CADM2: variants seen among roughly 807,000 people sequenced by gnomAD.
The protein encoded by CADM2 is cell adhesion molecule 2.
In CADM2, 12 loss-of-function variants were observed where a neutral mutation model predicts 49.8. The ratio of observed to expected loss-of-function variants is 0.24; its 90% CI spans 0.15 to 0.39. The LOEUF (loss-of-function observed/expected upper bound fraction) is 0.39, where lower values mean the gene tolerates loss of function less well. CADM2 is among the 10% of genes least tolerant of loss of function. The pLI is 1.00. For synonymous variants in CADM2, 214 were observed against 175.4 expected, an observed-to-expected ratio of 1.22 and a Z score of -1.74; for missense variants, 378 against 492.3, an observed-to-expected ratio of 0.77 and a Z score of 2.20.
intron 2 of CADM2, among the ~76,000 whole-genome samples, chr3:85,796,003 T>C (rs1323786115): frequency 6.6e-6 from 1 of 152,218 alleles, no homozygotes; most frequent in Non-Finnish European, 1.5e-5. Flanking sequence ...TGATATTTTC[T>C]TATGGGAATG....
chr3:85,093,887 C>G (rs376903609), intron 1 of CADM2, among the ~76,000 whole-genome samples: 1 of 151,902 alleles, frequency 6.6e-6, no homozygotes, highest in African/African-American at 2.4e-5. Flanking sequence ...GGGAAGGAGT[C>G]CATTCCTGTG....
At chr3:84,996,269 TTATTAA>T (rs1368352609) in intron 1 of CADM2, among the ~76,000 whole-genome samples, 6 of 152,156 alleles carry the variant, frequency 3.9e-5, no homozygotes, top group Admixed American at 1.3e-4. Flanking sequence ...AAATGGCAAG[TTATTAA>T]TATTAAGTTA....
chr3:85,945,396 G>T (rs1722537887), intron 7 of CADM2, among the ~76,000 whole-genome samples: 1 of 152,020 alleles, frequency 6.6e-6, no homozygotes, highest in South Asian at 2.1e-4. Context: ...CCAATCAATA[G>T]AAAAAGAGGG....
intron 1 of CADM2, among the ~76,000 whole-genome samples, chr3:85,156,128 C>G (rs1317643737): frequency 6.6e-6 from 1 of 151,890 alleles, no homozygotes; most frequent in Non-Finnish European, 1.5e-5. Flanking sequence ...AAAATCAGAG[C>G]AGAACTGAAG....
In CADM2 at chr3:85,468,098, G is replaced by A. The variant is rs570548634; in HGVS notation, c.62-258424G>A. Among the ~76,000 whole-genome samples the A allele has an allele frequency of 7.9e-5, 11 of 139,826 alleles. No homozygotes were observed. The East Asian group carries it at 2.4e-3, about 30-fold the overall frequency. The allele number at this position is 139,826 out of a possible 152,430, so 91.7% of individuals were successfully genotyped here. A position where few individuals can be genotyped will look rare whatever the true frequency, so the allele number is the denominator to read the frequency against. ...GAACCCGGGAGGCGGAGCTTGCAGT[G>A]AGCCGAGATCCCGCCACTGCACTCC... On this transcript the variant is annotated intron_variant, in intron 1 of 9. Coordinates refer to ENST00000383699, the MANE Select transcript of CADM2 (RefSeq NM_001167675.2).
intron 1 of CADM2, among the ~76,000 whole-genome samples, chr3:85,621,468 T>C (rs1198833544): frequency 6.6e-6 from 1 of 152,194 alleles, no homozygotes; most frequent in Non-Finnish European, 1.5e-5. Context: ...CTTTGAAAAT[T>C]TGAATTAAAT....
intron 1 of CADM2, among the ~76,000 whole-genome samples, chr3:85,589,124 C>G (rs2063029718): frequency 6.6e-6 from 1 of 151,932 alleles, no homozygotes; most frequent in Non-Finnish European, 1.5e-5. Flanking sequence ...AGGGAATACT[C>G]TAAAGGAGAG....
intron 1 of CADM2, among the ~76,000 whole-genome samples, chr3:85,669,686 TC>T (rs1306999009): frequency 6.6e-6 from 1 of 152,100 alleles, no homozygotes; most frequent in Non-Finnish European, 1.5e-5. Flanking sequence ...GAGGATAGCA[TC>T]CCTTTCTTTC....
intron 8 of CADM2, among the ~76,000 whole-genome samples, chr3:86,032,671 T>C (rs1734695228): frequency 6.6e-6 from 1 of 151,912 alleles, no homozygotes; most frequent in Non-Finnish European, 1.5e-5. Flanking sequence ...AATGATATTA[T>C]AATCAGTTAT....
At chr3:85,621,493 T>A (rs1218317914) in intron 1 of CADM2, among the ~76,000 whole-genome samples, 2 of 152,168 alleles carry the variant, frequency 1.3e-5, no homozygotes, top group Non-Finnish European at 2.9e-5. Context: ...ATTAGATTTA[T>A]TTTGCCTAGT....
At chr3:85,287,550 T>C (rs2043664106) in intron 1 of CADM2, among the ~76,000 whole-genome samples, 1 of 152,122 alleles carries the variant, frequency 6.6e-6, no homozygotes, top group South Asian at 2.1e-4. Flanking sequence ...AAAAAAAGAT[T>C]ATTCTTTCTT....
intron 1 of CADM2, among the ~76,000 whole-genome samples, chr3:84,987,169 T>A (rs1475340043): frequency 6.6e-6 from 1 of 151,944 alleles, no homozygotes; most frequent in East Asian, 1.9e-4. Flanking sequence ...TATGAGTATG[T>A]GTATGTGTAG....
At chr3:85,402,283 G>C (rs937982174) in intron 1 of CADM2, among the ~76,000 whole-genome samples, 1 of 151,780 alleles carries the variant, frequency 6.6e-6, no homozygotes, top group East Asian at 1.9e-4. Context: ...AACCATAATA[G>C]TATTTTTTTA....
At chr3:85,927,939 C>G (rs549748551) in intron 6 of CADM2, among the ~76,000 whole-genome samples, 1 of 152,140 alleles carries the variant, frequency 6.6e-6, no homozygotes, top group Non-Finnish European at 1.5e-5. Context: ...ACGCTAAATA[C>G]TTTCAAAGCT....
intron 1 of CADM2, among the ~76,000 whole-genome samples, chr3:85,642,531 A>G (rs1477290135): frequency 2.6e-5 from 4 of 152,210 alleles, no homozygotes; most frequent in African/African-American, 9.6e-5. Context: ...TTGAAATTAC[A>G]TGAAATGAGA....
At chr3:85,490,867 CA>C (rs1054798261) in intron 1 of CADM2, among the ~76,000 whole-genome samples, 40 of 150,334 alleles carry the variant, frequency 2.7e-4, no homozygotes, top group African/African-American at 7.5e-4. Context: ...AAAAGTAGTA[CA>C]AATATTCTTG....
intron 8 of CADM2, among the ~76,000 whole-genome samples, chr3:85,970,090 T>TA (rs1442240001): frequency 6.7e-6 from 1 of 149,528 alleles, no homozygotes. Context: ...CTTTAGTTTT[T>TA]ATCCCATATT....
chr3:85,302,668 A>ATT (rs1056442843), intron 1 of CADM2, among the ~76,000 whole-genome samples: 3 of 152,044 alleles, frequency 2.0e-5, no homozygotes, highest in African/African-American at 7.2e-5. Context: ...GGATGAGTAG[A>ATT]TTAACATACA....
Position 84,959,329 on chromosome 3 carries a change from C to G in CADM2, c.-279C>G. On this transcript the variant is annotated 5_prime_UTR_variant, in exon 1 of 10. Coordinates refer to ENST00000383699, the MANE Select transcript of CADM2 (RefSeq NM_001167675.2). ...GTGCGCGCCGAGAGGAAGGCAAGCTCCAAACCCCTGCCTGGAAGACGGGCT... is the reference window on the plus strand; with the variant it reads ...GTGCGCGCCGAGAGGAAGGCAAGCTGCAAACCCCTGCCTGGAAGACGGGCT... 2 of 553,306 alleles carry G rather than the reference C, an allele frequency of 3.6e-6. No individual in the cohort carries two copies. The highest frequency in any genetic ancestry group is 6.5e-6 in the Non-Finnish European group (2 of 309,790). The allele number at this position is 553,306 out of a possible 1,614,324, so 34.3% of individuals were successfully genotyped here.
Sources: gnomAD v4.1 joint callset for allele counts (sites outside exome capture counted in the v4.1 genomes callset) on GRCh38, gnomAD v4.1.1 for gene constraint, MANE v1.5 for transcripts, NCBI Gene and HGNC (gene_info 2026-07-23, HGNC 2026-07-21) for gene names.